Variants in MAGI3 observed in about 807,000 individuals in gnomAD.
MAGI3 encodes the protein membrane-associated guanylate kinase, WW and PDZ domain-containing protein 3.
MAGI3 carries 43 observed loss-of-function variants against 121.8 expected under a neutral mutation model. The observed-to-expected ratio is 0.35, with a 90% CI of 0.28 to 0.46. The LOEUF is 0.46. Among genes scored for constraint, MAGI3 ranks in the 20% least tolerant of loss-of-function variants. MAGI3 has a pLI of 1.00. For missense variants in MAGI3, 1,547 were observed against 1,797.3 expected (o/e 0.86, Z 2.52); for synonymous variants, 553 against 639.3 (o/e 0.86, Z 2.04).
intron 4 of MAGI3, among the ~76,000 whole-genome samples, chr1:113,590,149 G>T (rs935947530): frequency 5.9e-5 from 9 of 152,054 alleles, no homozygotes; most frequent in African/African-American, 2.2e-4. Flanking sequence ...CATACAGAAA[G>T]CACTTAAAAT....
At chr1:113,543,387 T>C (rs1659380573) in intron 1 of MAGI3, among the ~76,000 whole-genome samples, 2 of 152,188 alleles carry the variant, frequency 1.3e-5, no homozygotes, top group African/African-American at 2.4e-5. Flanking sequence ...ATTGAAGAAA[T>C]TGATGAAGAA....
At chr1:113,405,594 T>C (rs978786460) in intron 1 of MAGI3, among the ~76,000 whole-genome samples, 11 of 151,988 alleles carry the variant, frequency 7.2e-5, no homozygotes, top group African/African-American at 2.4e-4. Context: ...GAGACTATTG[T>C]AGTTGCTTGT....
Position 113,390,911 on chromosome 1 carries a change from G to A in MAGI3, c.-123G>A. 1 of 647,608 alleles carries A rather than the reference G, an allele frequency of 1.5e-6. No individual in the cohort carries two copies. The highest frequency in any genetic ancestry group is 2.1e-6 in the Non-Finnish European group (1 of 470,184). 40.1% of individuals were successfully genotyped at this position (647,608 alleles called of 1,614,324 possible). ...GGGCTGTGGTCGCGGGGTGGGGGCC[G>A]GAGCGGCGAGGCCCCCCTTACCGGG... On this transcript the variant is annotated 5_prime_UTR_variant, in exon 1 of 21. Coordinates refer to ENST00000307546, the MANE Select transcript of MAGI3 (RefSeq NM_001142782.2).
In MAGI3 at chr1:113,449,519, C is replaced by G. The variant is rs953006613; in HGVS notation, c.316+58170C>G. ...CATTTGGGGGTTAAAATTTCCAGACCGTTGGAGACGACATCCATCCAGAAC... is the reference window on the plus strand; with the variant it reads ...CATTTGGGGGTTAAAATTTCCAGACGGTTGGAGACGACATCCATCCAGAAC... On this transcript the variant is annotated intron_variant, in intron 1 of 20. Coordinates refer to ENST00000307546, the MANE Select transcript of MAGI3 (RefSeq NM_001142782.2). 2.0e-5 allele frequency among the ~76,000 whole-genome samples: 3 copies of G among 152,076 alleles called. No homozygotes were observed. The South Asian group carries it at 6.2e-4, about 32-fold the overall frequency.
At chr1:113,654,701 C>T (rs1346348057) in intron 15 of MAGI3, among the ~76,000 whole-genome samples, 1 of 151,896 alleles carries the variant, frequency 6.6e-6, no homozygotes, top group African/African-American at 2.4e-5. Context: ...TGTTACGATT[C>T]AGCAAATGAA....
chr1:113,393,225 A>G (rs1650921491), intron 1 of MAGI3, among the ~76,000 whole-genome samples: 2 of 152,176 alleles, frequency 1.3e-5, no homozygotes, highest in Admixed American at 6.5e-5. Context: ...ATGCCCCCGT[A>G]TGTAGTTGAC....
intron 16 of MAGI3, among the ~76,000 whole-genome samples, chr1:113,664,503 T>C (rs1475073324): frequency 6.6e-6 from 1 of 152,202 alleles, no homozygotes; most frequent in Non-Finnish European, 1.5e-5. Flanking sequence ...GAGGATCACT[T>C]CAGCCCAGAA....
chr1:113,675,608 G>T (rs1373847756), intron 19 of MAGI3, among the ~76,000 whole-genome samples: 1 of 152,182 alleles, frequency 6.6e-6, no homozygotes, highest in African/African-American at 2.4e-5. Context: ...TGGTAGATAA[G>T]ATCACTAAGG....
At chr1:113,682,183 G>C (rs200088540) in intron 20 of MAGI3, 1 of 1,462,760 alleles carries the variant, frequency 6.8e-7, no homozygotes, top group Non-Finnish European at 9.2e-7. Context: ...TTTTCACATA[G>C]TCCTAGGCTT....
chr1:113,625,582 G>A (rs1651191938), intron 9 of MAGI3, among the ~76,000 whole-genome samples: 1 of 152,058 alleles, frequency 6.6e-6, no homozygotes, highest in Non-Finnish European at 1.5e-5. Flanking sequence ...AGTTCTAATA[G>A]TTTTTTTATT....
intron 1 of MAGI3, among the ~76,000 whole-genome samples, chr1:113,493,176 C>T (rs1656749252): frequency 6.6e-6 from 1 of 152,164 alleles, no homozygotes; most frequent in South Asian, 2.1e-4. Flanking sequence ...CAGCATGATA[C>T]TGCTACAAAA....
chr1:113,661,984 G>C (rs983869171), intron 16 of MAGI3, among the ~76,000 whole-genome samples: 1 of 151,994 alleles, frequency 6.6e-6, no homozygotes, highest in Admixed American at 6.6e-5. Context: ...AGCCTTCCAG[G>C]TTCTCATAAA....
intron 1 of MAGI3, among the ~76,000 whole-genome samples, chr1:113,547,489 AT>A (rs1284823708): frequency 6.6e-6 from 1 of 152,202 alleles, no homozygotes; most frequent in Non-Finnish European, 1.5e-5. Flanking sequence ...TTCTCTGTCC[AT>A]TCAAAAACCC....
intron 1 of MAGI3, among the ~76,000 whole-genome samples, chr1:113,403,091 T>A (rs984061691): frequency 6.6e-6 from 1 of 152,150 alleles, no homozygotes; most frequent in Non-Finnish European, 1.5e-5. Context: ...AATTAATTGC[T>A]TAGGGAATCT....
At chr1:113,503,613 TTTTC>T (rs1273616098) in intron 1 of MAGI3, among the ~76,000 whole-genome samples, 1 of 152,154 alleles carries the variant, frequency 6.6e-6, no homozygotes, top group Non-Finnish European at 1.5e-5. Context: ...TGAAGTTGTG[TTTTC>T]TTTATCTTTT....
chr1:113,601,882 C>T (rs1265053007), intron 6 of MAGI3, among the ~76,000 whole-genome samples: 1 of 147,402 alleles, frequency 6.8e-6, no homozygotes, highest in Non-Finnish European at 1.5e-5. Flanking sequence ...CCGTGGAATA[C>T]TATGCAGCCA....
chr1:113,479,542 A>G (rs1459496058), intron 1 of MAGI3, among the ~76,000 whole-genome samples: 1 of 152,212 alleles, frequency 6.6e-6, no homozygotes, highest in Non-Finnish European at 1.5e-5. Flanking sequence ...TGTCTTTGAC[A>G]TTTGAGAATT....
At chr1:113,508,480 G>A (rs1019312764) in intron 1 of MAGI3, among the ~76,000 whole-genome samples, 4 of 152,180 alleles carry the variant, frequency 2.6e-5, no homozygotes, top group Non-Finnish European at 5.9e-5. Context: ...GTGCTTTGAA[G>A]CTATCACAAC....
rs966790824 is a variant in MAGI3, at chr1:113,681,332, C to T, written c.3324C>T (p.Asp1108=). The T allele has an allele frequency of 1.2e-5, 20 of 1,612,586 alleles. No individual in the cohort carries two copies. Among genetic ancestry groups the T allele is most frequent in the Non-Finnish European group, 1.6e-5 (19 of 1,179,564 alleles). ...GGCCAGGAACTGGCTTGATACCTGA[C>T]CATGGTAAGTAAAGTAGCCCACTAG... ...LLRPGTGLIP[D]HGDWDINNPS... is the part of the protein sequence containing the mutation. The change falls in exon 20 of 21, where the codon GAC becomes GAT. Residue 1108 remains aspartate, a synonymous_variant. Transcript: ENST00000307546.
Sources: gnomAD v4.1 joint callset for allele counts (sites outside exome capture counted in the v4.1 genomes callset) on GRCh38, gnomAD v4.1.1 for gene constraint, MANE v1.5 for transcripts, NCBI Gene and HGNC (gene_info 2026-07-23, HGNC 2026-07-21) for gene names.